Variants in RNF38 observed in about 807,000 individuals in gnomAD.
RNF38 encodes ring finger protein 38.
Under a neutral mutation model 67.2 loss-of-function variants are expected in RNF38, and 15 were observed. The observed-to-expected ratio is 0.22, with a 90% CI of 0.15 to 0.34. RNF38 has a LOEUF of 0.34. Ranked by LOEUF, RNF38 falls within the 10% of genes least tolerant of loss-of-function variation. The probability of loss-of-function intolerance (pLI) is 1.00; values close to 1 mark genes in which losing one functional copy is unlikely to be tolerated. For synonymous variants in RNF38, 220 were observed against 218.8 expected, an observed-to-expected ratio of 1.01 and a Z score of -0.05; for missense variants, 524 against 639.9, an observed-to-expected ratio of 0.82 and a Z score of 1.95.
At position 36,412,937 on chromosome 9, in the gene RNF38, T is replaced by C. The variant is rs559653105; in HGVS notation, n.312+11676A>G. 1.2e-4 allele frequency among the ~76,000 whole-genome samples: 18 copies of C among 152,200 alleles called. No individual in the cohort carries two copies. In the South Asian group the frequency reaches 3.7e-3, roughly 32 times the overall value. On this transcript the variant is annotated intron_variant and non_coding_transcript_variant, in intron 2 of 3. Coordinates refer to the RNF38 transcript ENST00000488058. Reference sequence around the variant, plus strand: ...AAAATACAAAATTAGCCGGGTGTGGTGGCACATGCCTATAGTCCCAGCTAC... The same window carrying C: ...AAAATACAAAATTAGCCGGGTGTGGCGGCACATGCCTATAGTCCCAGCTAC...
At chr9:36,366,068 C>G (rs2381521) in intron 4 of RNF38, among the ~76,000 whole-genome samples, 147,337 of 152,174 alleles carry the variant, frequency 0.97, 71,494 homozygotes, top group East Asian at 1. Flanking sequence ...AAAACAGTAG[C>G]ATAAACCCCC....
At chr9:36,356,647 T>G (rs1318254667) in intron 5 of RNF38, among the ~76,000 whole-genome samples, 174 bp from the exon 6 acceptor site, 2 of 150,004 alleles carry the variant, frequency 1.3e-5, no homozygotes, top group African/African-American at 4.9e-5. Context: ...ACTAGTAAAG[T>G]AATGGTACTA....
intron 10 of RNF38, among the ~76,000 whole-genome samples, chr9:36,343,691 A>G (rs1444873965): frequency 6.6e-6 from 1 of 152,240 alleles, no homozygotes; most frequent in Non-Finnish European, 1.5e-5. Context: ...CGAAAAAAAA[A>G]TATGATCTAT....
intron 1 of RNF38, among the ~76,000 whole-genome samples, chr9:36,451,980 G>T (rs1359290693): frequency 1.3e-5 from 2 of 152,012 alleles, no homozygotes; most frequent in African/African-American, 4.8e-5. Flanking sequence ...ACTTTGGGAG[G>T]CCAGGGAGGA....
chr9:36,378,209 C>T (rs954571887), intron 2 of RNF38, among the ~76,000 whole-genome samples: 2 of 131,390 alleles, frequency 1.5e-5, no homozygotes, highest in African/African-American at 2.9e-5. Context: ...CGGAGTCTTG[C>T]TCTGTTGCCC....
At chr9:36,476,780 G>A (rs1464487652) in intron 1 of RNF38, among the ~76,000 whole-genome samples, 1 of 151,794 alleles carries the variant, frequency 6.6e-6, no homozygotes, top group Non-Finnish European at 1.5e-5. Flanking sequence ...CACCCACTCT[G>A]GCCTCCCAAA....
At chr9:36,421,333 C>T (rs1007165104) in intron 2 of RNF38, among the ~76,000 whole-genome samples, 36 of 152,298 alleles carry the variant, frequency 2.4e-4, no homozygotes, top group African/African-American at 8.7e-4. Flanking sequence ...AGTAATTTCT[C>T]CCATGGTGGT....
At chr9:36,401,410 C>T (rs563212188), upstream of RNF38, among the ~76,000 whole-genome samples, 2 of 152,214 alleles carry the variant, frequency 1.3e-5, no homozygotes, top group South Asian at 4.1e-4. Context: ...TACAAAACTC[C>T]GCAATCAAAC....
chr9:36,476,796 G>A (rs1181430125), intron 1 of RNF38, among the ~76,000 whole-genome samples: 4 of 151,998 alleles, frequency 2.6e-5, no homozygotes, highest in African/African-American at 9.7e-5. Flanking sequence ...CCAAAGTCCT[G>A]GGATTATAGC....
intron 2 of RNF38, among the ~76,000 whole-genome samples, chr9:36,409,194 AAGAG>A (rs1039155778): frequency 2.6e-5 from 4 of 151,314 alleles, no homozygotes; most frequent in African/African-American, 7.3e-5. Context: ...CCAAGAAAGA[AAGAG>A]AGAGAGAAAG....
intron 1 of RNF38, among the ~76,000 whole-genome samples, chr9:36,458,056 A>G (rs922773278): frequency 7.9e-5 from 12 of 152,210 alleles, no homozygotes; most frequent in Non-Finnish European, 1.2e-4. Flanking sequence ...AAGGCAGTCC[A>G]TTGATGGTTG....
At position 36,376,097 on chromosome 9, in the gene RNF38, G is replaced by A. The variant is rs552263182; in HGVS notation, c.193C>T (p.Arg65Cys). The stretch of plus-strand genomic sequence containing the variant: ...TAATCAAAGACTGAATGAGAGAGGC[G>A]CTGTCTCTTAGGACTTGGACTATCT... ...SEDSPSPKRQ[R>C]LSHSVFDYTS... Residue 65 changes from arginine to cysteine, a missense_variant, in exon 3 of 12, where the codon CGC becomes TGC. Arg to Cys is a radical substitution (Grantham distance 180). Transcript: ENST00000259605. 34 of 1,603,920 alleles carry A rather than the reference G, an allele frequency of 2.1e-5. No homozygotes were observed. Among genetic ancestry groups the A allele is most frequent in the East Asian group, 6.7e-5 (3 of 44,448 alleles).
chr9:36,400,049 T>C (rs1337695387), intron 1 of RNF38, 48 bp downstream of exon 1: 14 of 1,563,244 alleles, frequency 9.0e-6, no homozygotes, highest in Non-Finnish European at 1.2e-5. Flanking sequence ...CAACTTTTAC[T>C]GAATAATAGC....
chr9:36,376,054 G>A lies in RNF38; in HGVS notation c.236C>T (p.Ala79Val), dbSNP rs1232077751. Reference protein sequence around the residue: ...SVFDYTSASPAPSPPMRPWEM... With the variant: ...SVFDYTSASPVPSPPMRPWEM... ...CCATGGTCGCATTGGTGGTGAGGGA[G>A]CTGGTGATGCTGATGTATAATCAAA... Residue 79 changes from alanine (A) to valine (V), a missense_variant, in exon 3 of 12, where the codon GCT (alanine) becomes GTT (valine). Physicochemically the swap from Ala to Val is moderately conservative, Grantham distance 64. Coordinates refer to ENST00000259605, the MANE Select transcript of RNF38 (RefSeq NM_022781.5). The A allele has an allele frequency of 6.2e-7, 1 of 1,613,304 alleles. No homozygotes were observed. Among genetic ancestry groups the A allele is most frequent in the Non-Finnish European group, 8.5e-7 (1 of 1,179,784 alleles).
intron 10 of RNF38, among the ~76,000 whole-genome samples, chr9:36,344,131 C>T (rs185856555): frequency 7.1e-4 from 108 of 152,232 alleles, no homozygotes; most frequent in South Asian, 1.7e-3. Context: ...CTCCCTGCCT[C>T]AGCCTTTCGA....
intron 3 of RNF38, among the ~76,000 whole-genome samples, chr9:36,371,300 T>C (rs1167940454): frequency 6.6e-6 from 1 of 152,218 alleles, no homozygotes; most frequent in African/African-American, 2.4e-5. Flanking sequence ...AAAGGTGCTC[T>C]TGATATTGTC....
intron 2 of RNF38, among the ~76,000 whole-genome samples, chr9:36,415,778 T>C (rs1838448821): frequency 6.6e-6 from 1 of 152,160 alleles, no homozygotes; most frequent in Non-Finnish European, 1.5e-5. Flanking sequence ...ACTGGTTTTC[T>C]CAAATGCTGG....
At chr9:36,378,169 C>CTTTTTTTTTTT (rs35057784) in intron 2 of RNF38, among the ~76,000 whole-genome samples, 1 of 114,882 alleles carries the variant, frequency 8.7e-6, no homozygotes, top group African/African-American at 3.4e-5. Flanking sequence ...TTAACACTGA[C>CTTTTTTTTTTT]TTTTTTTTTT....
Position 36,342,441 on chromosome 9 carries a change from G to A in RNF38, c.1386-17C>T, listed in dbSNP as rs767519736. 4.6e-6 allele frequency: 7 copies of A among 1,529,314 alleles called. No individual in the cohort carries two copies. The highest frequency in any genetic ancestry group is 6.3e-6 in the Non-Finnish European group (7 of 1,103,260). The allele number at this position is 1,529,314 out of a possible 1,614,324, so 94.7% of individuals were successfully genotyped here. On this transcript the variant is annotated splice_polypyrimidine_tract_variant and intron_variant, in intron 10 of 11. Transcript: ENST00000259605. Reference sequence around the variant, plus strand: ...ACTACACACCTAAAAAAAGCAAAAAGATCATTTAACCACAAAACCAGATGG... The same window carrying A: ...ACTACACACCTAAAAAAAGCAAAAAAATCATTTAACCACAAAACCAGATGG...
Sources: allele counts gnomAD v4.1 joint callset (sites outside exome capture counted in the v4.1 genomes callset), GRCh38; gene constraint gnomAD v4.1.1; transcripts MANE v1.5; gene names NCBI Gene and HGNC (gene_info 2026-07-23, HGNC 2026-07-21).